SH3BGRL: variants seen among roughly 807,000 people sequenced by gnomAD.
SH3BGRL encodes SH3 domain binding glutamate rich protein like, also known as adapter SH3BGRL.
A neutral mutation model predicts 9.8 loss-of-function variants in SH3BGRL; 7 were observed. The observed-to-expected ratio is 0.72, with a 90% confidence interval of 0.41 to 1.35. The LOEUF (loss-of-function observed/expected upper bound fraction) is 1.35. SH3BGRL is among the 40% of genes most tolerant of loss of function. The pLI is 0.01. For synonymous variants in SH3BGRL, 36 were observed against 29.1 expected (o/e 1.24, Z -0.76); for missense variants, 73 against 84.4 (o/e 0.86, Z 0.53).
rs147124387 is a variant in SH3BGRL at position 81,269,036 on chromosome X, C to T, written c.46-7948C>T. 8.8e-3 allele frequency among the ~76,000 whole-genome samples: 976 copies of T among 111,366 alleles called. 9 individuals are homozygous for T. The highest frequency in any genetic ancestry group is 0.014 in the Middle Eastern group (3 of 214). ...TTTGTTTTATCAGAGACCAGGATTGCAACTCCTGCTTTTTTTGCCTTCCAT... is the reference window on the plus strand; with the variant it reads ...TTTGTTTTATCAGAGACCAGGATTGTAACTCCTGCTTTTTTTGCCTTCCAT... On this transcript the variant is annotated intron_variant, in intron 1 of 3. Coordinates refer to ENST00000373212, the MANE Select transcript of SH3BGRL (RefSeq NM_003022.3).
At chrX:81,286,370 C>T (rs763902011) in intron 3 of SH3BGRL, among the ~76,000 whole-genome samples, 12 of 109,160 alleles carry the variant, frequency 1.1e-4, no homozygotes, top group South Asian at 8.0e-4. Flanking sequence ...GGAGGAGCTC[C>T]GGAGTCCATC....
intron 1 of SH3BGRL, among the ~76,000 whole-genome samples, chrX:81,207,948 AAAGTT>A (rs1409354043): frequency 9.0e-6 from 1 of 111,645 alleles, no homozygotes; most frequent in Non-Finnish European, 1.9e-5. Flanking sequence ...ATATATTGTG[AAAGTT>A]TAGTAAAAGA....
intron 1 of SH3BGRL, among the ~76,000 whole-genome samples, chrX:81,231,874 C>T (rs757569743): frequency 8.0e-5 from 9 of 112,097 alleles, no homozygotes; most frequent in African/African-American, 2.9e-4. Flanking sequence ...TTGCATGGTA[C>T]TTAGCATCAT....
intron 3 of SH3BGRL, among the ~76,000 whole-genome samples, chrX:81,290,783 C>T (rs1569371928): frequency 9.0e-6 from 1 of 110,513 alleles, no homozygotes; most frequent in African/African-American, 3.3e-5. Context: ...CCCGTTTACC[C>T]AGATGTGATT....
intron 1 of SH3BGRL, among the ~76,000 whole-genome samples, chrX:81,252,085 G>C (rs915050415): frequency 8.9e-6 from 1 of 111,925 alleles, no homozygotes; most frequent in Admixed American, 9.5e-5. Flanking sequence ...AGTATTCTAT[G>C]ATGAAGAATC....
At chrX:81,245,463 G>A (rs192314862) in intron 1 of SH3BGRL, among the ~76,000 whole-genome samples, 39 of 111,967 alleles carry the variant, frequency 3.5e-4, no homozygotes, top group African/African-American at 1.3e-3. Context: ...TGGCGAGCTT[G>A]CTTTTATGTA....
intron 1 of SH3BGRL, among the ~76,000 whole-genome samples, chrX:81,253,157 T>C (rs2075715902): frequency 1.8e-5 from 2 of 111,924 alleles, no homozygotes; most frequent in Non-Finnish European, 3.8e-5. Flanking sequence ...TGGTTTACTT[T>C]TCGTCTTTTG....
At chrX:81,235,845 G>A (rs1052888201) in intron 1 of SH3BGRL, among the ~76,000 whole-genome samples, 2 of 110,834 alleles carry the variant, frequency 1.8e-5, no homozygotes, top group Admixed American at 9.6e-5. Flanking sequence ...TGTGTAACAT[G>A]CCATCATTTG....
intron 1 of SH3BGRL, 187 bp downstream of exon 1, chrX:81,202,432 C>T (rs2075531535): frequency 2.0e-6 from 2 of 1,006,662 alleles, no homozygotes; most frequent in South Asian, 3.1e-5. Flanking sequence ...TTTTTTTCCA[C>T]ATAGAGTTCA....
At chrX:81,247,712 T>C (rs1044927490) in intron 1 of SH3BGRL, among the ~76,000 whole-genome samples, 1 of 111,216 alleles carries the variant, frequency 9.0e-6, no homozygotes, top group African/African-American at 3.3e-5. Context: ...AGTTTGCTAG[T>C]ATTTTGTTGA....
intron 1 of SH3BGRL, among the ~76,000 whole-genome samples, chrX:81,266,519 T>A (rs938604461): frequency 6.3e-5 from 7 of 111,703 alleles, no homozygotes; most frequent in Non-Finnish European, 1.3e-4. Context: ...TGGTTGTAGA[T>A]GTGTGGTGTT....
At chrX:81,278,280 T>G (rs1037218319) in intron 2 of SH3BGRL, 51 bp from the exon 3 acceptor site, 1 of 942,054 alleles carries the variant, frequency 1.1e-6, no homozygotes. Flanking sequence ...TTTCCTTTTT[T>G]TCTTTTATTG....
chrX:81,293,187 T>G (rs1193752299), intron 3 of SH3BGRL, among the ~76,000 whole-genome samples: 2 of 112,267 alleles, frequency 1.8e-5, no homozygotes. Context: ...TCTTTCTCAT[T>G]TTCTCTTGCT....
At chrX:81,239,087 C>G (rs888012387) in intron 1 of SH3BGRL, among the ~76,000 whole-genome samples, 1 of 111,953 alleles carries the variant, frequency 8.9e-6, no homozygotes. Context: ...TTGAAGATTA[C>G]AAGAAATACC....
chrX:81,252,148 G>T (rs1215048865), intron 1 of SH3BGRL, among the ~76,000 whole-genome samples: 1 of 111,909 alleles, frequency 8.9e-6, no homozygotes, highest in Non-Finnish European at 1.9e-5. Context: ...AATGTTTACA[G>T]AAACTGCATC....
chrX:81,245,790 T>C (rs1367489556), intron 1 of SH3BGRL, among the ~76,000 whole-genome samples: 1 of 112,076 alleles, frequency 8.9e-6, no homozygotes, highest in Admixed American at 9.4e-5. Flanking sequence ...GTGATGACTA[T>C]GCAAGTAAGT....
chrX:81,297,289 C>A lies in SH3BGRL; in HGVS notation c.*62C>A. ...AGTCTCCATTGCTTTTATAAAATAG[C>A]AGAATTAGCTTTGCTTCAAAAGAAA... is the stretch of plus-strand genomic sequence containing the variant. On this transcript the variant is annotated 3_prime_UTR_variant, in exon 4 of 4. Transcript: ENST00000373212. 1 of 940,947 alleles carries A rather than the reference C, an allele frequency of 1.1e-6. No individual in the cohort carries two copies. Among genetic ancestry groups the A allele is most frequent in the Non-Finnish European group, 1.5e-6 (1 of 667,640 alleles). 77.5% of individuals were successfully genotyped at this position (940,947 alleles called of 1,213,427 possible). A position where few individuals can be genotyped will look rare whatever the true frequency, so the allele number is the denominator to read the frequency against.
chrX:81,268,421 C>T (rs1205696568), intron 1 of SH3BGRL, among the ~76,000 whole-genome samples: 1 of 111,848 alleles, frequency 8.9e-6, no homozygotes, highest in Non-Finnish European at 1.9e-5. Context: ...TACATTGTAT[C>T]TTTGTTCTCC....
At chrX:81,217,168 AT>A (rs2075583870) in intron 1 of SH3BGRL, among the ~76,000 whole-genome samples, 1 of 109,955 alleles carries the variant, frequency 9.1e-6, no homozygotes, top group South Asian at 3.8e-4. Context: ...CTTCTCTCTT[AT>A]TTTCTTAATC....
Sources: allele counts gnomAD v4.1 joint callset (sites outside exome capture counted in the v4.1 genomes callset), GRCh38; gene constraint gnomAD v4.1.1; transcripts MANE v1.5; gene names NCBI Gene and HGNC (gene_info 2026-07-23, HGNC 2026-07-21).